Variants in TNFSF4 observed in about 807,000 individuals in gnomAD.
The protein encoded by TNFSF4 is TNF superfamily member 4.
A neutral mutation model predicts 7.3 loss-of-function variants in TNFSF4; 4 were observed. The ratio of observed to expected loss-of-function variants is 0.55; its 90% CI spans 0.27 to 1.25. TNFSF4 has a LOEUF of 1.25. TNFSF4 is among the 50% of genes most tolerant of loss of function. TNFSF4 has a pLI of 0.12. For synonymous variants in TNFSF4, 76 were observed against 83.7 expected, an observed-to-expected ratio of 0.91 and a Z score of 0.50; for missense variants, 181 against 208.8, an observed-to-expected ratio of 0.87 and a Z score of 0.82.
the TNFSF4 span, among the ~76,000 whole-genome samples, chr1:173,319,932 C>T: frequency 6.4e-4 from 97 of 152,236 alleles, no homozygotes; most frequent in Admixed American, 6.2e-3. Context: ...ATTCCAAAAA[C>T]CAGAATGCCT....
chr1:173,383,255 G>A, the TNFSF4 span, among the ~76,000 whole-genome samples: 1 of 152,176 alleles, frequency 6.6e-6, no homozygotes, highest in Non-Finnish European at 1.5e-5. Flanking sequence ...AATCCATGCT[G>A]AGGTTGAAAA....
the TNFSF4 span, among the ~76,000 whole-genome samples, chr1:173,275,709 GA>G: frequency 2.0e-5 from 3 of 152,074 alleles, no homozygotes; most frequent in Admixed American, 6.6e-5. Flanking sequence ...ACCCCTGGGG[GA>G]AAAAAAGTTG....
chr1:173,344,245 A>G, the TNFSF4 span, among the ~76,000 whole-genome samples: 7 of 152,240 alleles, frequency 4.6e-5, no homozygotes, highest in Admixed American at 3.9e-4. Flanking sequence ...GCAGCGCACT[A>G]TTGTACAGCA....
chr1:173,360,877 C>A, the TNFSF4 span, among the ~76,000 whole-genome samples: 1 of 152,204 alleles, frequency 6.6e-6, no homozygotes, highest in Non-Finnish European at 1.5e-5. Context: ...CATGCCTACA[C>A]TATGCATTGC....
At chr1:173,403,685 C>T in the TNFSF4 span, among the ~76,000 whole-genome samples, 4 of 152,098 alleles carry the variant, frequency 2.6e-5, no homozygotes, top group African/African-American at 7.2e-5. Flanking sequence ...AGGTGGATCA[C>T]GAGGTCAGGA....
At chr1:173,243,006 G>C in the TNFSF4 span, among the ~76,000 whole-genome samples, 4 of 42,380 alleles carry the variant, frequency 9.4e-5, no homozygotes, top group Admixed American at 2.2e-4. Context: ...TTGGTGGGTG[G>C]GGGGGGGGGG....
the TNFSF4 span, among the ~76,000 whole-genome samples, chr1:173,214,480 G>A: frequency 3.3e-5 from 5 of 152,234 alleles, no homozygotes; most frequent in East Asian, 1.9e-4. Flanking sequence ...CTGTCAATTC[G>A]ATCAAGGGTG....
the TNFSF4 span, among the ~76,000 whole-genome samples, chr1:173,412,117 GAAAAAAAA>G: frequency 8.3e-6 from 1 of 120,472 alleles, no homozygotes; most frequent in African/African-American, 3.3e-5. Flanking sequence ...TCCATCTCAA[GAAAAAAAA>G]AAAAAAAAAG....
upstream of TNFSF4, among the ~76,000 whole-genome samples, chr1:173,208,996 G>A (rs1650290922): frequency 6.6e-6 from 1 of 152,000 alleles, no homozygotes. Context: ...GCACATACTT[G>A]TACCTTAAGC....
chr1:173,407,400 A>C, the TNFSF4 span, among the ~76,000 whole-genome samples: 1 of 152,006 alleles, frequency 6.6e-6, no homozygotes, highest in East Asian at 1.9e-4. Context: ...TCTCCATAAA[A>C]AGTATAAAAA....
the TNFSF4 span, among the ~76,000 whole-genome samples, chr1:173,290,248 A>G: frequency 6.6e-6 from 1 of 152,164 alleles, no homozygotes; most frequent in Non-Finnish European, 1.5e-5. Context: ...ATCAATATCA[A>G]CCTTGAATGT....
the TNFSF4 span, among the ~76,000 whole-genome samples, chr1:173,381,302 T>C: frequency 6.6e-6 from 1 of 152,136 alleles, no homozygotes; most frequent in Non-Finnish European, 1.5e-5. Flanking sequence ...AGTGTTGTTT[T>C]TACACTAACC....
the TNFSF4 span, among the ~76,000 whole-genome samples, chr1:173,377,284 T>C: frequency 0.06 from 9,079 of 152,280 alleles, 920 homozygotes; most frequent in African/African-American, 0.2. Context: ...ACCGGGCACC[T>C]GTTGGCCAGT....
the TNFSF4 span, among the ~76,000 whole-genome samples, chr1:173,385,897 T>C: frequency 6.6e-6 from 1 of 152,184 alleles, no homozygotes; most frequent in East Asian, 1.9e-4. Context: ...CTTAAAAGAT[T>C]TGGAAAATTC....
At chr1:173,421,866 A>G in the TNFSF4 span, among the ~76,000 whole-genome samples, 9 of 152,200 alleles carry the variant, frequency 5.9e-5, no homozygotes, top group Non-Finnish European at 1.3e-4. Flanking sequence ...ACAAAACAAA[A>G]TAAAACTGTA....
chr1:173,189,073 C>G (rs1649360949), intron 1 of TNFSF4, among the ~76,000 whole-genome samples: 1 of 152,118 alleles, frequency 6.6e-6, no homozygotes. Context: ...TTCCCCCTTG[C>G]TTTTCCATAA....
intron 1 of TNFSF4, 106 bp from the exon 2 acceptor site, chr1:173,188,675 GAA>G (rs1649342239): frequency 1.1e-6 from 1 of 949,066 alleles, no homozygotes; most frequent in African/African-American, 1.7e-5. Context: ...AGCCTGTAGA[GAA>G]AACAAAAACA....
the TNFSF4 span, among the ~76,000 whole-genome samples, chr1:173,304,143 C>T: frequency 3.3e-5 from 5 of 151,832 alleles, no homozygotes; most frequent in African/African-American, 1.2e-4. Flanking sequence ...AAACCATTGA[C>T]ATAAAATAAG....
At chr1:173,375,986 G>A in the TNFSF4 span, among the ~76,000 whole-genome samples, 2 of 152,070 alleles carry the variant, frequency 1.3e-5, no homozygotes, top group East Asian at 3.9e-4. Flanking sequence ...CAAGATGATG[G>A]AAGCCAACCC....
Sources: allele counts gnomAD v4.1 joint callset (sites outside exome capture counted in the v4.1 genomes callset), GRCh38; gene constraint gnomAD v4.1.1; transcripts MANE v1.5; gene names NCBI Gene and HGNC (gene_info 2026-07-23, HGNC 2026-07-21).